The following GLRA3 variants were observed in gnomAD, a reference collection of about 807,000 sequenced individuals.
GLRA3 encodes the protein glycine receptor alpha 3, also known as glycine receptor subunit alpha-3.
GLRA3 carries 44 observed loss-of-function variants against 60.4 expected under a neutral mutation model. The observed-to-expected ratio is 0.73, with a 90% CI of 0.57 to 0.94. The LOEUF is 0.94. Ranked by LOEUF, GLRA3 falls within the 40% of genes least tolerant of loss-of-function variation. The pLI is 0.00. For synonymous variants in GLRA3, 223 were observed against 192.9 expected (o/e 1.16, Z -1.29); for missense variants, 508 against 564.6 (o/e 0.90, Z 1.02).
At chr4:174,679,165 A>G (rs942950521) in intron 6 of GLRA3, among the ~76,000 whole-genome samples, 5 of 152,074 alleles carry the variant, frequency 3.3e-5, no homozygotes, top group Admixed American at 6.5e-5. Flanking sequence ...CCCCGTCTCT[A>G]CTAAAAATAC....
At chr4:174,825,663 G>A (rs1034549437) in intron 1 of GLRA3, among the ~76,000 whole-genome samples, 2 of 151,802 alleles carry the variant, frequency 1.3e-5, no homozygotes, top group African/African-American at 4.8e-5. Flanking sequence ...TTATTAATAT[G>A]ATAACTAAAA....
At chr4:174,699,317 A>G (rs1735205106) in intron 5 of GLRA3, among the ~76,000 whole-genome samples, 1 of 152,118 alleles carries the variant, frequency 6.6e-6, no homozygotes, top group South Asian at 2.1e-4. Context: ...TACTTTTTAA[A>G]CTTACTTTTT....
At chr4:174,674,626 G>A (rs1335470924) in intron 7 of GLRA3, among the ~76,000 whole-genome samples, 2 of 152,094 alleles carry the variant, frequency 1.3e-5, no homozygotes, top group Non-Finnish European at 2.9e-5. Flanking sequence ...TATTGACACA[G>A]AGCCTAGACC....
At chr4:174,744,998 C>T (rs1737184725) in intron 3 of GLRA3, among the ~76,000 whole-genome samples, 1 of 151,976 alleles carries the variant, frequency 6.6e-6, no homozygotes, top group Non-Finnish European at 1.5e-5. Flanking sequence ...GAAGAACTCC[C>T]CGAATAAAAT....
At chr4:174,743,717 T>C (rs1737116995) in intron 3 of GLRA3, among the ~76,000 whole-genome samples, 1 of 152,240 alleles carries the variant, frequency 6.6e-6, no homozygotes, top group African/African-American at 2.4e-5. Flanking sequence ...ATTTTAGGTT[T>C]CCTTATAACC....
rs73008368 is a variant in GLRA3 at position 174,808,168 on chromosome 4, A to G, written c.72-19225T>C. 3.5e-3 allele frequency among the ~76,000 whole-genome samples: 528 copies of G among 152,264 alleles called. 2 individuals are homozygous for G. Among genetic ancestry groups the G allele is most frequent in the African/African-American group, 0.012 (505 of 41,558 alleles). The stretch of plus-strand genomic sequence containing the variant: ...AAAAAGCACTTAAAGCCAGAAGAAA[A>G]CAAGTATGGAATTAAGGAAAAACAA... On this transcript the variant is annotated intron_variant, in intron 1 of 9. Transcript: ENST00000274093.
Position 174,643,743 on chromosome 4 carries a change from T to G in GLRA3, c.*43A>C. The stretch of plus-strand genomic sequence containing the variant: ...ACATACACACCTATGGCAGAGACAC[T>G]TTCTTCTGAATTGACCATTTGCATT... On this transcript the variant is annotated 3_prime_UTR_variant, in exon 10 of 10. Coordinates refer to ENST00000274093, the MANE Select transcript of GLRA3 (RefSeq NM_006529.4). The G allele has an allele frequency of 6.3e-7, 1 of 1,587,408 alleles. No individual in the cohort carries two copies. The highest frequency in any genetic ancestry group is 8.6e-7 in the Non-Finnish European group (1 of 1,165,856).
intron 5 of GLRA3, among the ~76,000 whole-genome samples, chr4:174,705,220 T>A (rs1481814836): frequency 6.9e-6 from 1 of 143,924 alleles, no homozygotes; most frequent in Non-Finnish European, 1.5e-5. Flanking sequence ...GTGGAATTAC[T>A]GCCATTATAA....
At chr4:174,780,395 A>G (rs2111275687) in intron 2 of GLRA3, among the ~76,000 whole-genome samples, 1 of 152,052 alleles carries the variant, frequency 6.6e-6, no homozygotes, top group South Asian at 2.1e-4. Context: ...CTAGGAAGAA[A>G]CTGCATCAAC....
intron 3 of GLRA3, among the ~76,000 whole-genome samples, chr4:174,763,514 A>G (rs1400108518): frequency 6.6e-6 from 1 of 152,188 alleles, no homozygotes; most frequent in Non-Finnish European, 1.5e-5. Context: ...ACCAAATTAC[A>G]ATTTGGTTTT....
intron 2 of GLRA3, among the ~76,000 whole-genome samples, chr4:174,782,027 T>C (rs1463688116): frequency 6.7e-6 from 1 of 148,960 alleles, no homozygotes; most frequent in Non-Finnish European, 1.5e-5. Context: ...AAGAGAATTT[T>C]AGACCAATAT....
In GLRA3 at chr4:174,642,172, T is replaced by A. The variant is rs965160737; in HGVS notation, c.*1614A>T. 115 of 864,652 alleles carry A rather than the reference T, an allele frequency of 1.3e-4. No individual in the cohort carries two copies. The African/African-American group carries it at 1.9e-3, about 14-fold the overall frequency. 53.6% of individuals were successfully genotyped at this position (864,652 alleles called of 1,614,324 possible). On this transcript the variant is annotated 3_prime_UTR_variant, in exon 10 of 10. Coordinates refer to ENST00000274093, the MANE Select transcript of GLRA3 (RefSeq NM_006529.4). ...TTTACTATTTTTTAAAATGTTATTTTAAAAAATTACAATTGTATAAGCTGA... is the reference window on the plus strand; with the variant it reads ...TTTACTATTTTTTAAAATGTTATTTAAAAAAATTACAATTGTATAAGCTGA...
intron 3 of GLRA3, among the ~76,000 whole-genome samples, chr4:174,734,310 C>T (rs1451623915): frequency 6.6e-6 from 1 of 152,158 alleles, no homozygotes; most frequent in Non-Finnish European, 1.5e-5. Context: ...AATACCGACA[C>T]CCAATGGTGC....
At chr4:174,695,654 A>G (rs544924234) in intron 5 of GLRA3, among the ~76,000 whole-genome samples, 2 of 152,288 alleles carry the variant, frequency 1.3e-5, no homozygotes, top group East Asian at 1.9e-4. Flanking sequence ...CAAAAGCTGG[A>G]AGCATTCCCC....
At chr4:174,712,043 T>C (rs1374559219) in intron 5 of GLRA3, among the ~76,000 whole-genome samples, 1 of 152,072 alleles carries the variant, frequency 6.6e-6, no homozygotes, top group Non-Finnish European at 1.5e-5. Flanking sequence ...TTTTTTCTCA[T>C]CAATTTCTAA....
chr4:174,693,920 A>G (rs1030758975), intron 5 of GLRA3, among the ~76,000 whole-genome samples: 3 of 152,174 alleles, frequency 2.0e-5, no homozygotes, highest in African/African-American at 7.2e-5. Context: ...AAAACAGAAA[A>G]AGCAAGGGTT....
intron 7 of GLRA3, among the ~76,000 whole-genome samples, chr4:174,664,021 C>T (rs1201068884): frequency 6.6e-6 from 1 of 152,134 alleles, no homozygotes; most frequent in Non-Finnish European, 1.5e-5. Context: ...GGACCTTTGT[C>T]CCAGAAACCA....
chr4:174,727,900 T>G (rs940030505), intron 4 of GLRA3, among the ~76,000 whole-genome samples: 18 of 152,202 alleles, frequency 1.2e-4, no homozygotes, highest in African/African-American at 4.1e-4. Flanking sequence ...GTCATCCATT[T>G]TCACATAATA....
At chr4:174,784,017 A>G (rs1427121060) in intron 2 of GLRA3, among the ~76,000 whole-genome samples, 2 of 150,384 alleles carry the variant, frequency 1.3e-5, no homozygotes, top group Admixed American at 6.6e-5. Context: ...AGACACATGC[A>G]CACGTATGTT....
Sources: gnomAD v4.1 joint callset for allele counts (sites outside exome capture counted in the v4.1 genomes callset) on GRCh38, gnomAD v4.1.1 for gene constraint, MANE v1.5 for transcripts, NCBI Gene and HGNC (gene_info 2026-07-23, HGNC 2026-07-21) for gene names.